AHCY: variants seen among roughly 807,000 people sequenced by gnomAD.
AHCY encodes adenosylhomocysteinase.
A neutral mutation model predicts 45.4 loss-of-function variants in AHCY; 24 were observed. That is an observed-to-expected ratio of 0.53 (90% CI 0.38 to 0.74). The LOEUF is 0.74. Among genes scored for constraint, AHCY ranks in the 30% least tolerant of loss-of-function variants. AHCY has a pLI of 0.00. For missense variants in AHCY, 449 were observed against 594.1 expected, an observed-to-expected ratio of 0.76 and a Z score of 2.54; for synonymous variants, 245 against 235.1, an observed-to-expected ratio of 1.04 and a Z score of -0.39.
In AHCY at chr20:34,290,969, G is replaced by C. The variant is rs750631711; in HGVS notation, c.559-31C>G. 1.1e-4 allele frequency: 181 copies of C among 1,609,104 alleles called. No individual in the cohort carries two copies. The highest frequency in any genetic ancestry group is 1.5e-4 in the Non-Finnish European group (174 of 1,175,972). On this transcript the variant is annotated intron_variant, in intron 5 of 9. Transcript: ENST00000217426. This position sits in a 1 kb window ranked among gnomAD's most constrained non-coding sequence, Gnocchi z 4.5. ...AGGAAAGGGGGTAAGGAGACAATAGGGGCAGGCAAGGCCCTGGGGCCAGGA... is the reference window on the plus strand; with the variant it reads ...AGGAAAGGGGGTAAGGAGACAATAGCGGCAGGCAAGGCCCTGGGGCCAGGA...
the AHCY span, among the ~76,000 whole-genome samples, chr20:34,237,845 GT>G: frequency 5.3e-5 from 8 of 151,136 alleles, no homozygotes; most frequent in Middle Eastern, 3.4e-3. Flanking sequence ...TTTGTGGAGT[GT>G]TTTTTTTTAT....
chr20:34,290,976 C>T lies in AHCY; in HGVS notation c.559-38G>A. ...GGGGTAAGGAGACAATAGGGGCAGG[C>T]AAGGCCCTGGGGCCAGGACAACTTG... On this transcript the variant is annotated intron_variant, in intron 5 of 9. Transcript: ENST00000217426. This position sits in a 1 kb window ranked among gnomAD's most constrained non-coding sequence, Gnocchi z 4.5. 1 of 1,605,882 alleles carries T rather than the reference C, an allele frequency of 6.2e-7. No individual in the cohort carries two copies. Among genetic ancestry groups the T allele is most frequent in the Non-Finnish European group, 8.5e-7 (1 of 1,173,180 alleles).
At chr20:34,265,035 A>C in the AHCY span, among the ~76,000 whole-genome samples, 6 of 152,050 alleles carry the variant, frequency 3.9e-5, no homozygotes, top group African/African-American at 1.4e-4. Flanking sequence ...AGTTCAGGCA[A>C]TCCGCTGCTT....
At chr20:34,234,645 T>C in the AHCY span, among the ~76,000 whole-genome samples, 14 of 151,906 alleles carry the variant, frequency 9.2e-5, no homozygotes, top group African/African-American at 2.9e-4. Flanking sequence ...CTACTAAAAA[T>C]ACAAAAATTC....
intron 5 of AHCY, 109 bp downstream of exon 5, chr20:34,291,310 A>G: frequency 9.4e-7 from 1 of 1,068,140 alleles, no homozygotes; most frequent in Non-Finnish European, 1.5e-6. Flanking sequence ...TGCCCCCTCA[A>G]ATGAGGGCTT....
rs1356053927 is a variant in AHCY, at chr20:34,292,453, G to C, written c.350C>G (p.Thr117Ser). 5.6e-6 allele frequency: 9 copies of C among 1,614,016 alleles called. No homozygotes were observed. The change falls in exon 4 of 10, where the codon ACC (threonine) becomes AGC (serine). Residue 117 changes from threonine to serine, a missense_variant. By Grantham distance (58) the Thr-to-Ser change is moderately conservative (BLOSUM62 1). Coordinates refer to ENST00000217426, the MANE Select transcript of AHCY (RefSeq NM_000687.4). ...DEEYLWCIEQTLYFKDGPLNM... is the reference protein window; with the variant it reads ...DEEYLWCIEQSLYFKDGPLNM... ...GAGGGGCCCGTCCTTGAAGTACAGG[G>C]TCTGCTCAATGCACCACAGGTACTC...
the AHCY span, among the ~76,000 whole-genome samples, chr20:34,252,480 G>C: frequency 6.6e-6 from 1 of 152,196 alleles, no homozygotes; most frequent in Non-Finnish European, 1.5e-5. Flanking sequence ...GTAGCAAAGA[G>C]TAACAGAGCA....
the AHCY span, among the ~76,000 whole-genome samples, chr20:34,233,006 G>T: frequency 6.6e-6 from 1 of 152,020 alleles, no homozygotes; most frequent in Non-Finnish European, 1.5e-5. Flanking sequence ...CCAGGTACTG[G>T]GATCGTTGTT....
At chr20:34,289,974 C>G (rs1318499386) in intron 8 of AHCY, among the ~76,000 whole-genome samples, 3 of 152,214 alleles carry the variant, frequency 2.0e-5, no homozygotes, top group African/African-American at 7.2e-5. Flanking sequence ...TGCCGTCCAT[C>G]CACCCCAGCA....
the AHCY span, among the ~76,000 whole-genome samples, chr20:34,250,804 A>G: frequency 2.6e-5 from 4 of 152,072 alleles, no homozygotes; most frequent in Non-Finnish European, 5.9e-5. Context: ...GCCATGCCAC[A>G]TGACTGGGAG....
At chr20:34,281,827 T>A (rs2036014030) in intron 9 of AHCY, 1 of 158,472 alleles carries the variant, frequency 6.3e-6, no homozygotes, top group Non-Finnish European at 1.4e-5. Flanking sequence ...CACCACCACG[T>A]CCAGCTAACT....
At chr20:34,263,460 G>T in the AHCY span, among the ~76,000 whole-genome samples, 1 of 152,162 alleles carries the variant, frequency 6.6e-6, no homozygotes, top group African/African-American at 2.4e-5. Context: ...AGCTACTTGG[G>T]AGGCTGAGGC....
chr20:34,243,990 G>A, the AHCY span, among the ~76,000 whole-genome samples: 5 of 152,110 alleles, frequency 3.3e-5, no homozygotes, highest in Non-Finnish European at 5.9e-5. Flanking sequence ...GCGTGAACCC[G>A]GGAAGCGGAG....
intron 1 of AHCY, 105 bp downstream of exon 1, chr20:34,303,138 T>G: frequency 1.3e-6 from 2 of 1,526,294 alleles, no homozygotes; most frequent in East Asian, 2.5e-5. Context: ...AGGCTGCGAT[T>G]CCAGGGGGTC....
At chr20:34,263,675 C>T in the AHCY span, among the ~76,000 whole-genome samples, 16,265 of 125,398 alleles carry the variant, frequency 0.13, 2,840 homozygotes, top group African/African-American at 0.41. Context: ...TTTTTTTTTT[C>T]TTTTTTTTTG....
At chr20:34,267,721 G>A in the AHCY span, among the ~76,000 whole-genome samples, 339 of 151,812 alleles carry the variant, frequency 2.2e-3, no homozygotes, top group Non-Finnish European at 4.0e-3. Context: ...TAGTAGAGAC[G>A]GGTTTCTCCA....
the AHCY span, among the ~76,000 whole-genome samples, chr20:34,263,561 AAAC>A: frequency 4.6e-5 from 7 of 152,222 alleles, no homozygotes; most frequent in Non-Finnish European, 5.9e-5. Flanking sequence ...CTCTGTCTCA[AAAC>A]AACAACAACA....
At chr20:34,260,393 C>G in the AHCY span, 10 of 1,613,814 alleles carry the variant, frequency 6.2e-6, no homozygotes, top group Non-Finnish European at 8.5e-6. Flanking sequence ...CACCCGCTTA[C>G]TCCTGGCCAC....
At chr20:34,288,307 T>C (rs2036254421) in intron 8 of AHCY, among the ~76,000 whole-genome samples, 1 of 152,188 alleles carries the variant, frequency 6.6e-6, no homozygotes, top group South Asian at 2.1e-4. Flanking sequence ...CAACTCTGTG[T>C]CTGTATCTTC....
Sources: allele counts gnomAD v4.1 joint callset (sites outside exome capture counted in the v4.1 genomes callset), GRCh38; gene constraint gnomAD v4.1.1; non-coding constraint Gnocchi (gnomAD v3.1); transcripts MANE v1.5; gene names NCBI Gene and HGNC (gene_info 2026-07-23, HGNC 2026-07-21).